IMMP2L: variants seen among roughly 807,000 people sequenced by gnomAD.
IMMP2L encodes mitochondrial inner membrane protease subunit 2.
IMMP2L carries 18 observed loss-of-function variants against 19.3 expected under a neutral mutation model. The observed-to-expected ratio is 0.93, with a 90% CI of 0.64 to 1.38. The LOEUF (loss-of-function observed/expected upper bound fraction) is 1.38, where lower values mean the gene tolerates loss of function less well. Among genes scored for constraint, IMMP2L ranks in the 40% most tolerant of loss-of-function variants. The pLI is 0.00. For missense variants in IMMP2L, 233 were observed against 218.2 expected (o/e 1.07, Z -0.43); for synonymous variants, 76 against 73.0 (o/e 1.04, Z -0.21).
intron 3 of IMMP2L, among the ~76,000 whole-genome samples, chr7:111,470,388 G>T (rs148301705): frequency 0.023 from 3,525 of 152,034 alleles, 141 homozygotes; most frequent in African/African-American, 0.08. Flanking sequence ...TATACCCAAA[G>T]GACTATAAAT....
chr7:111,149,689 C>A (rs950302854), intron 3 of IMMP2L, among the ~76,000 whole-genome samples: 6 of 152,062 alleles, frequency 3.9e-5, no homozygotes, highest in African/African-American at 1.4e-4. Flanking sequence ...TACAGACGGA[C>A]CCCACAGTTC....
At chr7:110,987,570 C>T (rs748184545) in intron 3 of IMMP2L, among the ~76,000 whole-genome samples, 2 of 152,040 alleles carry the variant, frequency 1.3e-5, no homozygotes, top group Non-Finnish European at 2.9e-5. Context: ...AATGGTAGAA[C>T]CTTAAGAAGG....
chr7:111,070,781 A>G (rs1794888497), intron 3 of IMMP2L, among the ~76,000 whole-genome samples: 1 of 152,208 alleles, frequency 6.6e-6, no homozygotes, highest in Non-Finnish European at 1.5e-5. Flanking sequence ...TAGATACTTT[A>G]AAATACAACA....
rs144412768 is a variant in IMMP2L, at chr7:110,991,341, T to C, written c.240-27776A>G. Among the ~76,000 whole-genome samples the C allele has an allele frequency of 6.6e-3, 1,004 of 152,262 alleles. 4 individuals are homozygous for C. The highest frequency in any genetic ancestry group is 9.9e-3 in the Non-Finnish European group (676 of 68,008). On this transcript the variant is annotated intron_variant, in intron 3 of 5. Transcript: ENST00000405709. ...ATTTAACCGATTAACATGTTCAACA[T>C]TGAAAAAATGCAATGCAATATAATT...
At chr7:111,036,126 A>G (rs1317746880) in intron 3 of IMMP2L, among the ~76,000 whole-genome samples, 7 of 152,198 alleles carry the variant, frequency 4.6e-5, no homozygotes, top group Non-Finnish European at 2.9e-5. Context: ...TAAATATGGC[A>G]TTTTAGAACT....
intron 1 of IMMP2L, among the ~76,000 whole-genome samples, chr7:111,531,879 A>G (rs1483101818): frequency 6.6e-6 from 1 of 152,174 alleles, no homozygotes; most frequent in Non-Finnish European, 1.5e-5. Flanking sequence ...GTAAAAGGAT[A>G]TATTACCAGC....
At position 110,920,440 on chromosome 7, in the gene IMMP2L, G is replaced by A. The variant is rs187625715; in HGVS notation, c.306-33745C>T. On this transcript the variant is annotated intron_variant, in intron 4 of 5. Coordinates refer to ENST00000405709, the MANE Select transcript of IMMP2L (RefSeq NM_032549.4). ...GGGAATTAGGGAACATTTCACAGATGTCTTTGAGATAGAAGGCCACTGAAG... is the reference window on the plus strand; with the variant it reads ...GGGAATTAGGGAACATTTCACAGATATCTTTGAGATAGAAGGCCACTGAAG... Among the ~76,000 whole-genome samples, 950 of 152,276 alleles carry A rather than the reference G, an allele frequency of 6.2e-3. 5 individuals are homozygous for A. The highest frequency in any genetic ancestry group is 0.012 in the Non-Finnish European group (791 of 68,010).
intron 1 of IMMP2L, among the ~76,000 whole-genome samples, chr7:111,547,923 T>C (rs1480922267): frequency 6.6e-6 from 1 of 152,074 alleles, no homozygotes; most frequent in African/African-American, 2.4e-5. Context: ...GGTTTCACCA[T>C]GTTGTTCACA....
chr7:111,153,530 C>G (rs1393052067), intron 3 of IMMP2L, among the ~76,000 whole-genome samples: 1 of 151,926 alleles, frequency 6.6e-6, no homozygotes, highest in Non-Finnish European at 1.5e-5. Context: ...GGAAATTGAC[C>G]AGTTTATGTA....
At chr7:111,481,576 A>T (rs566472004) in intron 3 of IMMP2L, among the ~76,000 whole-genome samples, 1 of 152,164 alleles carries the variant, frequency 6.6e-6, no homozygotes, top group East Asian at 1.9e-4. Flanking sequence ...TAAGCAGTCA[A>T]TAAACACTTT....
In IMMP2L at chr7:110,886,736, A is replaced by C. The variant is rs768004898; in HGVS notation, c.306-41T>G. On this transcript the variant is annotated intron_variant, in intron 4 of 5. Transcript: ENST00000405709. ...GTAACCACTGAGATATGAGTAGAAA[A>C]GAGATCAAACTGCTGGGCATACAAA... The C allele has an allele frequency of 1.3e-5, 12 of 959,180 alleles. No individual in the cohort carries two copies. In the African/African-American group the frequency reaches 1.9e-4, roughly 16 times the overall value. The allele number at this position is 959,180 out of a possible 1,614,324, so 59.4% of individuals were successfully genotyped here.
At chr7:110,886,544 T>C in intron 5 of IMMP2L, 49 bp downstream of exon 5, 1 of 1,035,736 alleles carries the variant, frequency 9.7e-7, no homozygotes, top group Non-Finnish European at 1.5e-6. Flanking sequence ...AGTTTTGTTC[T>C]CACCTTTGAA....
At chr7:110,904,046 T>C (rs1303353202) in intron 4 of IMMP2L, among the ~76,000 whole-genome samples, 2 of 152,142 alleles carry the variant, frequency 1.3e-5, no homozygotes, top group African/African-American at 2.4e-5. Flanking sequence ...TCTACTCAAG[T>C]CCTTAGCCCA....
chr7:110,728,124 T>G lies in IMMP2L; in HGVS notation c.409-64403A>C, dbSNP rs1015119284. ...AAGATTAAATAATATGCAAAGGCAT[T>G]TAATTTAATGCTTGGCCAATAGTAA... On this transcript the variant is annotated intron_variant, in intron 5 of 5. Transcript: ENST00000405709. The surrounding 1 kb of genome is among the most constrained non-coding windows in gnomAD (Gnocchi z 4.6). Among the ~76,000 whole-genome samples, 1 of 152,218 alleles carries G rather than the reference T, an allele frequency of 6.6e-6. No individual in the cohort carries two copies. The highest frequency in any genetic ancestry group is 1.5e-5 in the Non-Finnish European group (1 of 68,042).
intron 4 of IMMP2L, among the ~76,000 whole-genome samples, chr7:110,921,638 C>T (rs1429823402): frequency 6.6e-6 from 1 of 152,164 alleles, no homozygotes; most frequent in Admixed American, 6.5e-5. Context: ...CTGCTTGTTT[C>T]TTCTGTTCTC....
At chr7:111,310,881 T>C (rs1312052681) in intron 3 of IMMP2L, among the ~76,000 whole-genome samples, 1 of 152,154 alleles carries the variant, frequency 6.6e-6, no homozygotes, top group Non-Finnish European at 1.5e-5. Context: ...CCAATCAGAA[T>C]TGCAACCTGA....
chr7:111,187,841 A>G (rs186895378), intron 3 of IMMP2L, among the ~76,000 whole-genome samples: 99 of 152,284 alleles, frequency 6.5e-4, no homozygotes, highest in African/African-American at 2.1e-3. Context: ...AGATTTGGGA[A>G]TCAAATCCAG....
In IMMP2L at chr7:110,760,595, G is replaced by T. The variant is rs1798292690; in HGVS notation, c.409-96874C>A. On this transcript the variant is annotated intron_variant, in intron 5 of 5. Transcript: ENST00000405709. This position sits in a 1 kb window ranked among gnomAD's most constrained non-coding sequence, Gnocchi z 4.2. Reference sequence around the variant, plus strand: ...CTGGGAAGGAATGAAGTTCCTAGAAGATACCAATCCATATTGAAAGGGAGC... The same window carrying T: ...CTGGGAAGGAATGAAGTTCCTAGAATATACCAATCCATATTGAAAGGGAGC... 6.6e-6 allele frequency among the ~76,000 whole-genome samples: 1 copy of T among 152,100 alleles called. No homozygotes were observed. Among genetic ancestry groups the T allele is most frequent in the Non-Finnish European group, 1.5e-5 (1 of 68,020 alleles).
chr7:111,323,852 GA>G (rs1825021406), intron 3 of IMMP2L, among the ~76,000 whole-genome samples: 1 of 152,102 alleles, frequency 6.6e-6, no homozygotes, highest in Non-Finnish European at 1.5e-5. Flanking sequence ...GGACATGGAT[GA>G]AGCTGGAAAC....
Sources: allele counts gnomAD v4.1 joint callset (sites outside exome capture counted in the v4.1 genomes callset), GRCh38; gene constraint gnomAD v4.1.1; non-coding constraint Gnocchi (gnomAD v3.1); transcripts MANE v1.5; gene names NCBI Gene and HGNC (gene_info 2026-07-23, HGNC 2026-07-21).